Variants in RAB36 observed in about 807,000 individuals in gnomAD.
The protein encoded by RAB36 is RAB36, member RAS oncogene family.
In RAB36, 33 loss-of-function variants were observed where a neutral mutation model predicts 39.3. The ratio of observed to expected loss-of-function variants is 0.84; its 90% CI spans 0.64 to 1.12. The LOEUF (loss-of-function observed/expected upper bound fraction) is 1.12. RAB36 is among the 50% of genes most tolerant of loss of function. RAB36 has a pLI of 0.00. For synonymous variants in RAB36, 133 were observed against 140.2 expected (o/e 0.95, Z 0.36); for missense variants, 308 against 355.3 (o/e 0.87, Z 1.07).
At chr22:23,159,083 G>A in intron 8 of RAB36, 80 bp from the exon 9 acceptor site, 1 of 1,585,500 alleles carries the variant, frequency 6.3e-7, no homozygotes, top group East Asian at 2.3e-5. Context: ...AGCACAGTGG[G>A]AAGCAGGCAG....
At chr22:23,161,467 G>A in intron 10 of RAB36, 33 bp from the exon 11 acceptor site, 1 of 1,566,630 alleles carries the variant, frequency 6.4e-7, no homozygotes, top group Non-Finnish European at 8.8e-7. Context: ...AGGATTCCTG[G>A]TTGATGCTAA....
At position 23,159,241 on chromosome 22, in the gene RAB36, T is replaced by C. The variant is rs760795078; in HGVS notation, c.607T>C (p.Ser203Pro). ...GATGCAGGCCGAGTACTGGTCAGTG[T>C]CGGCCAAGACTGGTGAGTGGGCCAG... ...REMQAEYWSV[S>P]AKTGENVKAF... Residue 203 changes from serine (S) to proline (P), a missense_variant, in exon 9 of 11, where the codon TCG (serine) becomes CCG (proline). Transcript: ENST00000263116. 21 of 1,594,856 alleles carry C rather than the reference T, an allele frequency of 1.3e-5. No homozygotes were observed. Among genetic ancestry groups the C allele is most frequent in the Admixed American group, 1.7e-5 (1 of 57,442 alleles).
chr22:23,161,499 G>C lies in RAB36; in HGVS notation c.740-1G>C, dbSNP rs1569219487. 2 of 1,609,010 alleles carry C rather than the reference G, an allele frequency of 1.2e-6. No individual in the cohort carries two copies. The highest frequency in any genetic ancestry group is 2.2e-5 in the South Asian group (2 of 90,848). On this transcript the variant is annotated splice_acceptor_variant, in intron 10 of 10. Coordinates refer to ENST00000263116, the MANE Select transcript of RAB36 (RefSeq NM_004914.5). LOFTEE classifies it high-confidence loss of function. ...CTAAATTACTTCTCCCCTCCTTACA[G>C]AAATGGAAGGGAGTCCGCCCGAGAC...
chr22:23,159,178 G>A lies in RAB36; in HGVS notation c.544G>A (p.Glu182Lys). Residue 182 changes from glutamate (E) to lysine (K), a missense_variant, in exon 9 of 11, where the codon GAG becomes AAG. Glu to Lys is a moderately conservative substitution (Grantham distance 56, BLOSUM62 1). Transcript: ENST00000263116. ...TTTCTCCCAGTCAGGGGCCGCATGT[G>A]AGCAGGCCGAAGCAGACGCTGTGCA... ...KKDLLSGAAC[E>K]QAEADAVHLA... The A allele has an allele frequency of 6.2e-7, 1 of 1,611,440 alleles. No homozygotes were observed. The highest frequency in any genetic ancestry group is 8.5e-7 in the Non-Finnish European group (1 of 1,179,178).
chr22:23,146,739 C>T, intron 2 of RAB36, 54 bp downstream of exon 2: 1 of 1,601,140 alleles, frequency 6.2e-7, no homozygotes, highest in Non-Finnish European at 8.5e-7. Context: ...CACATCAGCT[C>T]TCCCCACTCT....
Position 23,158,181 on chromosome 22 carries a change from C to T in RAB36, c.446+138C>T. 3 of 1,502,058 alleles carry T rather than the reference C, an allele frequency of 2.0e-6. No homozygotes were observed. The South Asian group carries it at 4.0e-5, about 20-fold the overall frequency. The allele number at this position is 1,502,058 out of a possible 1,614,324, so 93.0% of individuals were successfully genotyped here. A position where few individuals can be genotyped will look rare whatever the true frequency, so the allele number is the denominator to read the frequency against. On this transcript the variant is annotated intron_variant, in intron 7 of 10. Transcript: ENST00000263116. ...GGGCCCCTTGTCAGAACCAGCTGCC[C>T]ACGGACTACTTACTGTCCAACTGCC...
chr22:23,158,184 G>T (rs947417092), intron 7 of RAB36, 141 bp downstream of exon 7: 15 of 1,498,136 alleles, frequency 1.0e-5, no homozygotes, highest in East Asian at 2.3e-5. Flanking sequence ...AGCTGCCCAC[G>T]GACTACTTAC....
Position 23,150,053 on chromosome 22 carries a change from C to T in RAB36, c.70-10C>T. 6.3e-7 allele frequency: 1 copy of T among 1,598,986 alleles called. No homozygotes were observed. The highest frequency in any genetic ancestry group is 1.7e-5 in the Admixed American group (1 of 58,074). On this transcript the variant is annotated splice_polypyrimidine_tract_variant and intron_variant, in intron 2 of 10. Coordinates refer to ENST00000263116, the MANE Select transcript of RAB36 (RefSeq NM_004914.5). ...CAGGATGATGTGTCCGTCTGTCTGT[C>T]TCTTTGCAGTGGTACACGCCGGAAG...
intron 9 of RAB36, among the ~76,000 whole-genome samples, chr22:23,160,545 C>T (rs2071719168): frequency 6.6e-6 from 1 of 152,222 alleles, no homozygotes; most frequent in Non-Finnish European, 1.5e-5. Context: ...TCCACATCTT[C>T]CAACACTTGG....
downstream of RAB36, among the ~76,000 whole-genome samples, chr22:23,168,871 G>A (rs2072093369): frequency 1.3e-5 from 2 of 152,198 alleles, no homozygotes; most frequent in South Asian, 4.1e-4. Context: ...AGGCAAACCA[G>A]GTCTGGGCTC....
chr22:23,153,936 G>A lies in RAB36; in HGVS notation c.329+802G>A, dbSNP rs570417233. 2.8e-4 allele frequency among the ~76,000 whole-genome samples: 43 copies of A among 152,060 alleles called. 1 individual carries two copies. The highest frequency in any genetic ancestry group is 8.4e-4 in the African/African-American group (35 of 41,458). On this transcript the variant is annotated intron_variant, in intron 5 of 10. Transcript: ENST00000263116. ...ACTCCTGACCTCAAGTGCTCCACCCGCTTCAGCCTCCCAAAGTGCTGGGAT... is the reference window on the plus strand; with the variant it reads ...ACTCCTGACCTCAAGTGCTCCACCCACTTCAGCCTCCCAAAGTGCTGGGAT...
intron 2 of RAB36, 27 bp from the exon 3 acceptor site, chr22:23,150,036 T>C: frequency 6.4e-7 from 1 of 1,553,906 alleles, no homozygotes; most frequent in Non-Finnish European, 8.8e-7. Context: ...TGCAGGATGA[T>C]GTGTCCGTCT....
intron 6 of RAB36, 51 bp downstream of exon 6, chr22:23,156,083 T>C: frequency 6.6e-7 from 1 of 1,521,970 alleles, no homozygotes; most frequent in South Asian, 1.2e-5. Context: ...GCGGGGTCCC[T>C]GCCGGGCTCC....
chr22:23,166,360 G>C (rs1434409985), downstream of RAB36, among the ~76,000 whole-genome samples: 2 of 147,054 alleles, frequency 1.4e-5, no homozygotes, highest in Non-Finnish European at 3.0e-5. Context: ...GGGCCAATAT[G>C]GGGGGGTGGG....
intron 3 of RAB36, 24 bp from the exon 4 acceptor site, chr22:23,152,437 G>A: frequency 6.2e-7 from 1 of 1,613,870 alleles, no homozygotes; most frequent in Non-Finnish European, 8.5e-7. Flanking sequence ...ATGCCCGACG[G>A]CAACACGGCC....
intron 10 of RAB36, 117 bp from the exon 11 acceptor site, chr22:23,161,383 G>A: frequency 9.2e-6 from 9 of 975,166 alleles, no homozygotes; most frequent in South Asian, 1.4e-5. Flanking sequence ...TTCAGGCCTT[G>A]AACAGCAGGC....
Position 23,162,533 on chromosome 22 carries a change from T to TCTAGCATGTTCCTGTCTCCAACA in RAB36, c.*971_*993dup, listed in dbSNP as rs2071863097. ...AGAGGACTTCAGAGGCCCTGCCAAG[T>TCTAGCATGTTCCTGTCTCCAACA]CTAGCATGTTCCTGTCTCCAACACC... On this transcript the variant is annotated 3_prime_UTR_variant, in exon 11 of 11. Coordinates refer to ENST00000263116, the MANE Select transcript of RAB36 (RefSeq NM_004914.5). 2 of 425,890 alleles carry TCTAGCATGTTCCTGTCTCCAACA rather than the reference T, an allele frequency of 4.7e-6. No homozygotes were observed. The highest frequency in any genetic ancestry group is 9.6e-6 in the Non-Finnish European group (2 of 208,528). 26.4% of individuals were successfully genotyped at this position (425,890 alleles called of 1,614,324 possible).
chr22:23,150,537 G>A (rs539741801), intron 3 of RAB36, among the ~76,000 whole-genome samples: 42 of 152,078 alleles, frequency 2.8e-4, no homozygotes, highest in African/African-American at 9.2e-4. Context: ...TCCTGACCTC[G>A]TGATCAGCCT....
intron 9 of RAB36, among the ~76,000 whole-genome samples, chr22:23,159,878 C>T (rs1226230014): frequency 1.3e-5 from 2 of 152,228 alleles, no homozygotes; most frequent in Admixed American, 6.5e-5. Flanking sequence ...TTTGAGCCTC[C>T]ATCTCATCTG....
Sources: gnomAD v4.1 joint callset for allele counts (sites outside exome capture counted in the v4.1 genomes callset) on GRCh38, gnomAD v4.1.1 for gene constraint, MANE v1.5 for transcripts, NCBI Gene and HGNC (gene_info 2026-07-23, HGNC 2026-07-21) for gene names.